TMEM131L: variants seen among roughly 807,000 people sequenced by gnomAD.
The protein encoded by TMEM131L is transmembrane protein 131-like.
Under a neutral mutation model 192.2 loss-of-function variants are expected in TMEM131L, and 54 were observed. That is an observed-to-expected ratio of 0.28 (90% CI 0.23 to 0.35). The LOEUF (loss-of-function observed/expected upper bound fraction) is 0.35, where lower values mean the gene tolerates loss of function less well. Among genes scored for constraint, TMEM131L ranks in the 10% least tolerant of loss-of-function variants. TMEM131L has a pLI of 1.00. For synonymous variants in TMEM131L, 701 were observed against 704.9 expected (o/e 0.99, Z 0.09); for missense variants, 1,888 against 1,972.9 (o/e 0.96, Z 0.82).
intron 3 of TMEM131L, among the ~76,000 whole-genome samples, chr4:153,524,342 C>G (rs531332045): frequency 6.6e-6 from 1 of 152,232 alleles, no homozygotes; most frequent in Non-Finnish European, 1.5e-5. Context: ...AGGCCATAAG[C>G]GAGGGCTACT....
chr4:153,585,785 A>T lies in TMEM131L; in HGVS notation c.1311+174A>T, dbSNP rs527844659. 2.2e-3 allele frequency among the ~76,000 whole-genome samples: 328 copies of T among 152,216 alleles called. 1 individual carries two copies. Among genetic ancestry groups the T allele is most frequent in the Non-Finnish European group, 3.6e-3 (248 of 68,000 alleles). ...TGTATTTTTCTTTTAACATTTTCAG[A>T]ATTACTTTTAGGAGACTTCTCTTTC... On this transcript the variant is annotated intron_variant, in intron 13 of 34. Transcript: ENST00000409959.
At chr4:153,615,094 C>T (rs1352379854) in intron 26 of TMEM131L, among the ~76,000 whole-genome samples, 2 of 152,184 alleles carry the variant, frequency 1.3e-5, no homozygotes, top group East Asian at 3.8e-4. Flanking sequence ...GAATCTGCAT[C>T]ATCATGTATT....
At chr4:153,591,588 G>C (rs1390818880) in intron 17 of TMEM131L, among the ~76,000 whole-genome samples, 1 of 152,144 alleles carries the variant, frequency 6.6e-6, no homozygotes, top group Non-Finnish European at 1.5e-5. Context: ...TGTTGACTTC[G>C]GTGCTTGTCT....
At chr4:153,469,786 C>T (rs191849241) in intron 2 of TMEM131L, among the ~76,000 whole-genome samples, 1 of 152,096 alleles carries the variant, frequency 6.6e-6, no homozygotes, top group Non-Finnish European at 1.5e-5. Context: ...ATTAGCCGGG[C>T]GTGGTGGTGC....
At chr4:153,504,079 G>T (rs1733799084) in intron 3 of TMEM131L, among the ~76,000 whole-genome samples, 1 of 151,764 alleles carries the variant, frequency 6.6e-6, no homozygotes. Flanking sequence ...CCATTCTCCT[G>T]CCTCAGCCTC....
intron 30 of TMEM131L, among the ~76,000 whole-genome samples, chr4:153,627,327 C>T (rs79120134): frequency 0.028 from 4,183 of 152,104 alleles, 147 homozygotes; most frequent in Middle Eastern, 0.075. Context: ...ATCTACCTGA[C>T]GGGTAGATTT....
intron 3 of TMEM131L, among the ~76,000 whole-genome samples, chr4:153,537,713 G>C (rs755129776): frequency 6.6e-6 from 1 of 152,106 alleles, no homozygotes; most frequent in Non-Finnish European, 1.5e-5. Context: ...ATCTTGTGCT[G>C]ACCTCTTATC....
chr4:153,561,119 A>AT (rs1728820930), intron 7 of TMEM131L, among the ~76,000 whole-genome samples: 1 of 152,154 alleles, frequency 6.6e-6, no homozygotes, highest in Non-Finnish European at 1.5e-5. Flanking sequence ...TTTGATTTGC[A>AT]TTTTTGTAAT....
chr4:153,478,556 C>G (rs1452586953), intron 3 of TMEM131L, among the ~76,000 whole-genome samples: 1 of 152,150 alleles, frequency 6.6e-6, no homozygotes, highest in East Asian at 1.9e-4. Context: ...TTACTGTGAG[C>G]TAAACTCCAC....
At chr4:153,550,597 A>G (rs528656140) in intron 4 of TMEM131L, among the ~76,000 whole-genome samples, 238 of 152,366 alleles carry the variant, frequency 1.6e-3, no homozygotes, top group African/African-American at 5.1e-3. Context: ...AAGTGCTGGG[A>G]TTACAGGCGC....
At chr4:153,599,814 A>G (rs570131432) in intron 21 of TMEM131L, among the ~76,000 whole-genome samples, 248 of 152,126 alleles carry the variant, frequency 1.6e-3, no homozygotes, top group African/African-American at 5.6e-3. Context: ...TCCCAGCACT[A>G]TGGGAGGTTG....
chr4:153,486,334 T>A (rs972676423), intron 3 of TMEM131L, among the ~76,000 whole-genome samples: 1 of 152,256 alleles, frequency 6.6e-6, no homozygotes, highest in Non-Finnish European at 1.5e-5. Flanking sequence ...GGGATTAGTT[T>A]GTGGAACACA....
chr4:153,529,762 C>T (rs989986434), intron 3 of TMEM131L, among the ~76,000 whole-genome samples: 1 of 152,192 alleles, frequency 6.6e-6, no homozygotes, highest in African/African-American at 2.4e-5. Context: ...CCCTTTTTCT[C>T]CCCTACCCCC....
At chr4:153,554,573 C>T (rs937595033) in intron 4 of TMEM131L, among the ~76,000 whole-genome samples, 5 of 152,218 alleles carry the variant, frequency 3.3e-5, no homozygotes, top group African/African-American at 1.2e-4. Flanking sequence ...AAAGATTTTA[C>T]CTAATTTTAC....
At chr4:153,560,362 C>T (rs1728770707) in intron 7 of TMEM131L, among the ~76,000 whole-genome samples, 1 of 152,234 alleles carries the variant, frequency 6.6e-6, no homozygotes, top group Admixed American at 6.5e-5. Context: ...TCTCTCCCTG[C>T]ACTGTAGCCT....
intron 7 of TMEM131L, among the ~76,000 whole-genome samples, chr4:153,566,843 C>G (rs1173752467): frequency 6.6e-6 from 1 of 152,208 alleles, no homozygotes; most frequent in African/African-American, 2.4e-5. Flanking sequence ...TCTGGATATT[C>G]TGTGTGATAT....
chr4:153,536,681 A>T (rs545567433), intron 3 of TMEM131L, among the ~76,000 whole-genome samples: 1 of 152,106 alleles, frequency 6.6e-6, no homozygotes, highest in Non-Finnish European at 1.5e-5. Context: ...CGATCGATCT[A>T]TCTAGCTATC....
At chr4:153,562,966 T>G (rs1728942278) in intron 7 of TMEM131L, among the ~76,000 whole-genome samples, 1 of 152,234 alleles carries the variant, frequency 6.6e-6, no homozygotes, top group South Asian at 2.1e-4. Flanking sequence ...TTTTAGATTT[T>G]TATATGTGAG....
intron 3 of TMEM131L, among the ~76,000 whole-genome samples, chr4:153,486,111 CT>C (rs1258146060): frequency 1.3e-5 from 2 of 152,112 alleles, no homozygotes; most frequent in African/African-American, 4.8e-5. Flanking sequence ...CAACTGAATA[CT>C]TTCTTAGGCC....
Sources: gnomAD v4.1 joint callset for allele counts (sites outside exome capture counted in the v4.1 genomes callset) on GRCh38, gnomAD v4.1.1 for gene constraint, MANE v1.5 for transcripts, NCBI Gene and HGNC (gene_info 2026-07-23, HGNC 2026-07-21) for gene names.